Variants in ERBB4 observed in about 807,000 individuals in gnomAD.
ERBB4 encodes erb-b2 receptor tyrosine kinase 4.
Under a neutral mutation model 158.0 loss-of-function variants are expected in ERBB4, and 42 were observed. That is an observed-to-expected ratio of 0.27 (90% CI 0.21 to 0.34). The LOEUF (loss-of-function observed/expected upper bound fraction) is 0.34, where lower values mean the gene tolerates loss of function less well. Among genes scored for constraint, ERBB4 ranks in the 10% least tolerant of loss-of-function variants. ERBB4 has a pLI of 1.00. For missense variants in ERBB4, 1,333 were observed against 1,624.1 expected (o/e 0.82, Z 3.08); for synonymous variants, 583 against 558.7 (o/e 1.04, Z -0.61).
intron 4 of ERBB4, among the ~76,000 whole-genome samples, chr2:211,761,162 T>A (rs1330155731): frequency 8.0e-6 from 1 of 125,270 alleles, no homozygotes; most frequent in African/African-American, 3.1e-5. Flanking sequence ...GCCACTGTAC[T>A]CCAGCCTGGC....
chr2:211,742,847 T>C (rs1294321146), intron 5 of ERBB4, among the ~76,000 whole-genome samples: 1 of 152,006 alleles, frequency 6.6e-6, no homozygotes, highest in Non-Finnish European at 1.5e-5. Context: ...ACAGTGCTTA[T>C]CTTTATTTTA....
chr2:212,369,320 C>A (rs2090003849), intron 1 of ERBB4, among the ~76,000 whole-genome samples: 1 of 152,146 alleles, frequency 6.6e-6, no homozygotes, highest in African/African-American at 2.4e-5. Context: ...GGGTTCATTG[C>A]AGTCCTCTTC....
At chr2:211,786,417 G>C (rs2076166074) in intron 4 of ERBB4, among the ~76,000 whole-genome samples, 1 of 152,042 alleles carries the variant, frequency 6.6e-6, no homozygotes, top group South Asian at 2.1e-4. Flanking sequence ...CAATCAATTG[G>C]TAGTTAATTT....
intron 20 of ERBB4, among the ~76,000 whole-genome samples, chr2:211,494,392 A>C (rs1385270947): frequency 6.7e-6 from 1 of 150,370 alleles, no homozygotes; most frequent in African/African-American, 2.5e-5. Context: ...GTGAAGTTCT[A>C]ATGCTAAAAA....
At chr2:211,746,124 T>G (rs1441642570) in intron 5 of ERBB4, among the ~76,000 whole-genome samples, 1 of 152,168 alleles carries the variant, frequency 6.6e-6, no homozygotes, top group Admixed American at 6.5e-5. Flanking sequence ...TTGTATACTA[T>G]TCTAACATTT....
At chr2:211,426,851 CTATCTA>C (rs1310598347) in intron 22 of ERBB4, among the ~76,000 whole-genome samples, 1 of 151,236 alleles carries the variant, frequency 6.6e-6, no homozygotes, top group Admixed American at 6.6e-5. Flanking sequence ...TTCTATAAAC[CTATCTA>C]TATCATGTAA....
chr2:211,698,314 GAAAAA>G (rs780824731), intron 12 of ERBB4, among the ~76,000 whole-genome samples: 8 of 88,012 alleles, frequency 9.1e-5, no homozygotes, highest in Middle Eastern at 6.3e-3. Context: ...CTCCGTCTCA[GAAAAA>G]AAAAAAAAAA....
At chr2:211,511,858 C>T (rs993074269) in intron 20 of ERBB4, among the ~76,000 whole-genome samples, 6 of 152,090 alleles carry the variant, frequency 3.9e-5, no homozygotes, top group East Asian at 3.9e-4. Context: ...GTTATCAGCT[C>T]TTGGATCCAT....
At chr2:211,616,664 G>A (rs896988551) in intron 19 of ERBB4, among the ~76,000 whole-genome samples, 10 of 152,160 alleles carry the variant, frequency 6.6e-5, no homozygotes, top group African/African-American at 1.4e-4. Context: ...TAAATTCACC[G>A]TTGATGTTGC....
chr2:212,196,869 C>T lies in ERBB4; in HGVS notation c.83-71966G>A, dbSNP rs577466808. On this transcript the variant is annotated intron_variant, in intron 1 of 27. Transcript: ENST00000342788. ...TACAGGAAATTCTTGGATTGACATA[C>T]GTGTATAAATCCAGAACTTTCAGAT... Among the ~76,000 whole-genome samples, 21 of 152,174 alleles carry T rather than the reference C, an allele frequency of 1.4e-4. No individual in the cohort carries two copies. In the South Asian group the frequency reaches 3.3e-3, roughly 24 times the overall value.
chr2:211,982,586 A>T (rs1335124000), intron 2 of ERBB4, among the ~76,000 whole-genome samples: 2 of 152,140 alleles, frequency 1.3e-5, no homozygotes, highest in African/African-American at 4.8e-5. Context: ...GTCAGTAAAA[A>T]TTGTGAAAGA....
At chr2:211,936,645 T>C (rs1013128951) in intron 3 of ERBB4, among the ~76,000 whole-genome samples, 5 of 152,114 alleles carry the variant, frequency 3.3e-5, no homozygotes, top group Non-Finnish European at 7.4e-5. Context: ...TCCATGCTGA[T>C]GTATAATAAC....
intron 3 of ERBB4, among the ~76,000 whole-genome samples, chr2:211,889,726 T>C (rs1210633693): frequency 6.7e-6 from 1 of 149,766 alleles, no homozygotes; most frequent in African/African-American, 2.5e-5. Flanking sequence ...CTGATGGAGC[T>C]GAAAACCAAG....
intron 1 of ERBB4, among the ~76,000 whole-genome samples, chr2:212,148,061 ATGT>A (rs755633214): frequency 2.0e-5 from 3 of 151,978 alleles, no homozygotes; most frequent in Non-Finnish European, 4.4e-5. Context: ...AATGAACAAT[ATGT>A]TATTAGTAAA....
intron 14 of ERBB4, 24 bp downstream of exon 14, chr2:211,673,140 C>T (rs906114465): frequency 1.5e-5 from 23 of 1,521,368 alleles, no homozygotes; most frequent in Non-Finnish European, 2.1e-5. Flanking sequence ...TAAGCCAACA[C>T]ACCACAGATG....
chr2:212,413,295 T>G (rs2091557723), intron 1 of ERBB4, among the ~76,000 whole-genome samples: 1 of 151,720 alleles, frequency 6.6e-6, no homozygotes, highest in South Asian at 2.1e-4. Context: ...CTATGTAGAG[T>G]ATTTTTACAG....
chr2:211,777,706 T>G (rs530322484), intron 4 of ERBB4: 1 of 152,162 alleles, frequency 6.6e-6, no homozygotes, highest in Non-Finnish European at 1.5e-5. Flanking sequence ...TACATACACC[T>G]CATTTATTCC....
At chr2:211,811,434 G>T (rs377353008) in intron 3 of ERBB4, among the ~76,000 whole-genome samples, 1 of 152,000 alleles carries the variant, frequency 6.6e-6, no homozygotes, top group East Asian at 1.9e-4. Context: ...TTTCTCTCTG[G>T]CTGCCCTTAA....
chr2:212,244,280 A>G (rs866249079), intron 1 of ERBB4, among the ~76,000 whole-genome samples: 7 of 152,064 alleles, frequency 4.6e-5, no homozygotes, highest in Non-Finnish European at 7.4e-5. Context: ...CATCCTTTTT[A>G]CCCCTGACTT....
Sources: gnomAD v4.1 joint callset for allele counts (sites outside exome capture counted in the v4.1 genomes callset) on GRCh38, gnomAD v4.1.1 for gene constraint, MANE v1.5 for transcripts, NCBI Gene and HGNC (gene_info 2026-07-23, HGNC 2026-07-21) for gene names.